DIAPH2: variants seen among roughly 807,000 people sequenced by gnomAD.
The protein encoded by DIAPH2 is diaphanous related formin 2.
A neutral mutation model predicts 92.7 loss-of-function variants in DIAPH2; 35 were observed. The observed-to-expected ratio is 0.38, with a 90% CI of 0.29 to 0.50. The LOEUF is 0.50. Ranked by LOEUF, DIAPH2 falls within the 20% of genes least tolerant of loss-of-function variation. The probability of loss-of-function intolerance (pLI) is 0.94; values close to 1 mark genes in which losing one functional copy is unlikely to be tolerated. For missense variants in DIAPH2, 701 were observed against 819.5 expected, an observed-to-expected ratio of 0.86 and a Z score of 1.77; for synonymous variants, 301 against 280.4, an observed-to-expected ratio of 1.07 and a Z score of -0.73.
chrX:97,364,138 T>C (rs1713257072), intron 24 of DIAPH2, among the ~76,000 whole-genome samples: 2 of 112,065 alleles, frequency 1.8e-5, no homozygotes, highest in South Asian at 7.4e-4. Flanking sequence ...CTTGTACCTC[T>C]GAAAGAACAT....
intron 4 of DIAPH2, among the ~76,000 whole-genome samples, chrX:96,808,615 A>C (rs1435312167): frequency 8.9e-6 from 1 of 112,027 alleles, no homozygotes; most frequent in Non-Finnish European, 1.9e-5. Flanking sequence ...CATTTATTCA[A>C]CCAGAGGCCT....
chrX:97,185,681 A>G lies in DIAPH2; in HGVS notation c.2719+43887A>G, dbSNP rs377575190. ...GTTTACTTTTCTAAAGTACTTTTCT[A>G]TGGTACCTATGCATACTTTGTTAAC... On this transcript the variant is annotated intron_variant, in intron 22 of 26. Transcript: ENST00000324765. 7.8e-5 allele frequency among the ~76,000 whole-genome samples: 8 copies of G among 102,683 alleles called. No individual in the cohort carries two copies. In the South Asian group the frequency reaches 1.8e-3, roughly 23 times the overall value. The allele number at this position is 102,683 out of a possible 115,157, so 89.2% of individuals were successfully genotyped here.
intron 22 of DIAPH2, among the ~76,000 whole-genome samples, chrX:97,228,153 A>C (rs1350474062): frequency 8.9e-6 from 1 of 111,863 alleles, no homozygotes. Context: ...CCCCCGCCTC[A>C]GCCTCCCAAA....
At chrX:97,555,405 T>G in intron 26 of DIAPH2, 1 of 737,063 alleles carries the variant, frequency 1.4e-6, no homozygotes. Context: ...ACCTTCAACT[T>G]TGTGTCTTAT....
intron 19 of DIAPH2, among the ~76,000 whole-genome samples, chrX:97,090,467 CT>C (rs1367531412): frequency 1.9e-4 from 21 of 109,896 alleles, no homozygotes; most frequent in Non-Finnish European, 3.6e-4. Flanking sequence ...CCCTGTCCCC[CT>C]GATCTCATTC....
intron 21 of DIAPH2, among the ~76,000 whole-genome samples, chrX:97,137,270 CATATATATATAT>C (rs57799375): frequency 0.086 from 5,862 of 68,270 alleles, 334 homozygotes; most frequent in Admixed American, 0.25. Flanking sequence ...CGCAGTTATA[CATATATATATAT>C]ATATATATAT....
chrX:97,099,681 T>C lies in DIAPH2; in HGVS notation c.2248-13T>C, dbSNP rs889985008. Reference sequence around the variant, plus strand: ...CTAAAACACTAAACTTTTATACTTTTATTTCTTTTTAGAACCTTGTGAAAC... The same window carrying C: ...CTAAAACACTAAACTTTTATACTTTCATTTCTTTTTAGAACCTTGTGAAAC... On this transcript the variant is annotated splice_polypyrimidine_tract_variant and intron_variant, in intron 19 of 26. Coordinates refer to ENST00000324765, the MANE Select transcript of DIAPH2 (RefSeq NM_006729.5). The C allele has an allele frequency of 2.7e-6, 3 of 1,113,339 alleles. No individual in the cohort carries two copies. The highest frequency in any genetic ancestry group is 3.6e-6 in the Non-Finnish European group (3 of 837,890). 91.8% of individuals were successfully genotyped at this position (1,113,339 alleles called of 1,213,427 possible).
rs146702491 is a variant in DIAPH2 at position 97,517,384 on chromosome X, G to A, written c.3242-81869G>A. Among the ~76,000 whole-genome samples, 501 of 111,682 alleles carry A rather than the reference G, an allele frequency of 4.5e-3. 3 individuals are homozygous for A. Among genetic ancestry groups the A allele is most frequent in the African/African-American group, 0.016 (482 of 30,765 alleles). On this transcript the variant is annotated intron_variant, in intron 26 of 26. Transcript: ENST00000324765. ...TATCAATGAAATAATAAAGATGAGCGCTTCAAACTATGCCTCTCACAACTT... is the reference window on the plus strand; with the variant it reads ...TATCAATGAAATAATAAAGATGAGCACTTCAAACTATGCCTCTCACAACTT...
intron 23 of DIAPH2, among the ~76,000 whole-genome samples, chrX:97,308,937 G>A (rs1412096689): frequency 1.9e-5 from 2 of 104,459 alleles, no homozygotes; most frequent in South Asian, 9.8e-4. Context: ...GAGATGGCTC[G>A]AACCTGGGAG....
At chrX:97,249,026 A>T (rs767560102) in intron 23 of DIAPH2, among the ~76,000 whole-genome samples, 2 of 110,362 alleles carry the variant, frequency 1.8e-5, no homozygotes, top group South Asian at 7.7e-4. Flanking sequence ...CCACGTTAGG[A>T]TACCTAATGT....
intron 26 of DIAPH2, among the ~76,000 whole-genome samples, chrX:97,495,266 G>A (rs1468774014): frequency 1.8e-5 from 2 of 112,183 alleles, no homozygotes; most frequent in African/African-American, 6.5e-5. Flanking sequence ...TCTCATAAAG[G>A]TATTGTGGTC....
At chrX:96,882,769 C>T (rs1483273633) in intron 5 of DIAPH2, among the ~76,000 whole-genome samples, 1 of 108,459 alleles carries the variant, frequency 9.2e-6, no homozygotes, top group Non-Finnish European at 1.9e-5. Flanking sequence ...CCAGCCTGGC[C>T]AACATGGTGA....
intron 17 of DIAPH2, among the ~76,000 whole-genome samples, chrX:96,970,381 C>T (rs1375628080): frequency 1.0e-5 from 1 of 97,889 alleles, no homozygotes; most frequent in African/African-American, 3.6e-5. Context: ...TTGTTTTTGT[C>T]ATTTTTTTTT....
chrX:97,321,020 C>T (rs1055790718), intron 23 of DIAPH2, among the ~76,000 whole-genome samples: 3 of 111,539 alleles, frequency 2.7e-5, no homozygotes, highest in Non-Finnish European at 5.6e-5. Flanking sequence ...TCCTTTATGA[C>T]ATAATTTATA....
At chrX:97,246,566 C>T (rs1479403372) in intron 22 of DIAPH2, among the ~76,000 whole-genome samples, 1 of 111,959 alleles carries the variant, frequency 8.9e-6, no homozygotes, top group African/African-American at 3.2e-5. Flanking sequence ...AAGGTGATTT[C>T]TCCTCATTGA....
intron 1 of DIAPH2, among the ~76,000 whole-genome samples, chrX:96,726,282 G>A (rs1349766413): frequency 9.0e-6 from 1 of 111,403 alleles, no homozygotes; most frequent in Non-Finnish European, 1.9e-5. Flanking sequence ...ATCATCACAG[G>A]TTTGAGTACT....
At chrX:97,352,526 A>G (rs2069225446) in intron 24 of DIAPH2, among the ~76,000 whole-genome samples, 1 of 110,314 alleles carries the variant, frequency 9.1e-6, no homozygotes, top group Admixed American at 9.7e-5. Flanking sequence ...TTCTAAATTC[A>G]GAATTGAGAC....
intron 3 of DIAPH2, among the ~76,000 whole-genome samples, chrX:96,741,232 T>G (rs1476621610): frequency 9.2e-6 from 1 of 109,268 alleles, no homozygotes; most frequent in Non-Finnish European, 1.9e-5. Flanking sequence ...TCAAAAGCCT[T>G]CTTTTGACCC....
At chrX:97,542,896 A>AT (rs1443334962) in intron 26 of DIAPH2, among the ~76,000 whole-genome samples, 1 of 112,311 alleles carries the variant, frequency 8.9e-6, no homozygotes, top group East Asian at 2.8e-4. Flanking sequence ...AAATAGGCTA[A>AT]GACCAAGATG....
Sources: allele counts gnomAD v4.1 joint callset (sites outside exome capture counted in the v4.1 genomes callset), GRCh38; gene constraint gnomAD v4.1.1; transcripts MANE v1.5; gene names NCBI Gene and HGNC (gene_info 2026-07-23, HGNC 2026-07-21).